The following CAMK2B variants were observed in gnomAD, a reference collection of about 807,000 sequenced individuals.
CAMK2B encodes calcium/calmodulin-dependent protein kinase type II subunit beta.
In CAMK2B, 27 loss-of-function variants were observed where a neutral mutation model predicts 93.7. The observed-to-expected ratio is 0.29, with a 90% CI of 0.21 to 0.40. The LOEUF (loss-of-function observed/expected upper bound fraction) is 0.40, where lower values mean the gene tolerates loss of function less well. Among genes scored for constraint, CAMK2B ranks in the 10% least tolerant of loss-of-function variants. The pLI is 1.00. For missense variants in CAMK2B, 568 were observed against 895.8 expected (o/e 0.63, Z 4.67); for synonymous variants, 374 against 358.8 (o/e 1.04, Z -0.48).
intron 1 of CAMK2B, among the ~76,000 whole-genome samples, chr7:44,301,904 G>A (rs1459150761): frequency 2.0e-5 from 3 of 152,056 alleles, no homozygotes; most frequent in South Asian, 4.2e-4. Context: ...AAACTAGAGT[G>A]TAAATCAATG....
rs556496868 is a variant in CAMK2B at position 44,246,742 on chromosome 7, ACT to A, written c.414+376_414+377del. On this transcript the variant is annotated intron_variant, in intron 6 of 23. Coordinates refer to ENST00000395749, the MANE Select transcript of CAMK2B (RefSeq NM_001220.5). ...CATGTATACACACATGTGCACACAC[ACT>A]CACACAATGCCTCCACCCAGGCATG... 5.3e-5 allele frequency among the ~76,000 whole-genome samples: 8 copies of A among 152,192 alleles called. No homozygotes were observed. In the South Asian group the frequency reaches 1.7e-3, roughly 32 times the overall value.
At position 44,220,197 on chromosome 7, in the gene CAMK2B, G is replaced by A; in HGVS notation, c.1866C>T (p.Leu622=). The part of the protein sequence containing the change: ...EDAACIAYIR[L]TQYIDGQGRP... ...GGCCCTGCCCGTCAATGTACTGCGT[G>A]AGCCGGATGTAAGCGATGCAGGCGG... The change falls in exon 23 of 24, where the codon CTC becomes CTT. Residue 622 remains leucine, a synonymous_variant. Transcript: ENST00000395749. 6.2e-7 allele frequency: 1 copy of A among 1,613,248 alleles called. No homozygotes were observed. The highest frequency in any genetic ancestry group is 1.3e-5 in the African/African-American group (1 of 75,068).
At chr7:44,229,034 T>A in intron 18 of CAMK2B, 110 bp from the exon 19 acceptor site, 1 of 1,044,048 alleles carries the variant, frequency 9.6e-7, no homozygotes, top group Non-Finnish European at 1.5e-6. Context: ...CCTTGGGCCC[T>A]GGGATCAGGC....
At chr7:44,262,382 C>T (rs936032871) in intron 3 of CAMK2B, among the ~76,000 whole-genome samples, 9 of 152,244 alleles carry the variant, frequency 5.9e-5, no homozygotes, top group African/African-American at 1.9e-4. Flanking sequence ...GCTCCAGATA[C>T]CCCTGTGGAG....
At chr7:44,291,415 GTCGTCCACT>G (rs1285399502) in intron 1 of CAMK2B, among the ~76,000 whole-genome samples, 1 of 152,176 alleles carries the variant, frequency 6.6e-6, no homozygotes. Context: ...CCAGGGCTGT[GTCGTCCACT>G]CCTGCCCAGG....
chr7:44,233,901 C>T (rs1485821543), intron 15 of CAMK2B, among the ~76,000 whole-genome samples: 1 of 152,228 alleles, frequency 6.6e-6, no homozygotes, highest in Non-Finnish European at 1.5e-5. Context: ...GCCCCGTCTC[C>T]CCATGGGCCG....
Position 44,226,564 on chromosome 7 carries a change from GC to G in CAMK2B, c.1548del (p.Pro518ArgfsTer48). Reference sequence around the variant, plus strand: ...ATAGTCGGAGATGGGCAGGGCGGGGGCCCCACTGGCGAGGGGCCCTCGGCTT... The same window carrying G: ...ATAGTCGGAGATGGGCAGGGCGGGGGCCCACTGGCGAGGGGCCCTCGGCTT... The part of the protein sequence containing the change: ...TPEAEGPSPV[G>X]PPPCPSPTIP... On this transcript the variant is annotated frameshift_variant, in exon 20 of 24. Coordinates refer to ENST00000395749, the MANE Select transcript of CAMK2B (RefSeq NM_001220.5). LOFTEE classifies it high-confidence loss of function. 6.8e-7 allele frequency: 1 copy of G among 1,469,030 alleles called. No homozygotes were observed. Among genetic ancestry groups the G allele is most frequent in the Non-Finnish European group, 9.0e-7 (1 of 1,117,248 alleles). 91.0% of individuals were successfully genotyped at this position (1,469,030 alleles called of 1,614,324 possible).
chr7:44,297,744 G>T (rs1788682639), intron 1 of CAMK2B, among the ~76,000 whole-genome samples: 1 of 152,152 alleles, frequency 6.6e-6, no homozygotes, highest in African/African-American at 2.4e-5. Flanking sequence ...AATTGATATG[G>T]AATCTCCAGG....
At chr7:44,240,665 G>A in intron 12 of CAMK2B, 42 bp downstream of exon 12, 1 of 1,609,630 alleles carries the variant, frequency 6.2e-7, no homozygotes. Flanking sequence ...TGGGCCAGCA[G>A]GGAGGGGGCA....
chr7:44,254,672 C>T lies in CAMK2B; in HGVS notation c.276-65G>A, dbSNP rs1434805015. ...CCCTGTCACACTGCACTGTCACCTCCATTACTACCACCACCACCATCACCA... is the reference window on the plus strand; with the variant it reads ...CCCTGTCACACTGCACTGTCACCTCTATTACTACCACCACCACCATCACCA... On this transcript the variant is annotated intron_variant, in intron 4 of 23. Coordinates refer to ENST00000395749, the MANE Select transcript of CAMK2B (RefSeq NM_001220.5). 18 of 1,042,426 alleles carry T rather than the reference C, an allele frequency of 1.7e-5. No homozygotes were observed. The East Asian group carries it at 4.3e-4, about 25-fold the overall frequency. The allele number at this position is 1,042,426 out of a possible 1,614,324, so 64.6% of individuals were successfully genotyped here.
chr7:44,219,872 C>A (rs1224980221), intron 23 of CAMK2B, among the ~76,000 whole-genome samples, 188 bp downstream of exon 23: 1 of 152,132 alleles, frequency 6.6e-6, no homozygotes, highest in Non-Finnish European at 1.5e-5. Flanking sequence ...TCTGGGGAGG[C>A]CTGCCACACC....
intron 2 of CAMK2B, chr7:44,264,143 A>G (rs2096903641): frequency 6.6e-6 from 1 of 152,620 alleles, no homozygotes; most frequent in Non-Finnish European, 1.5e-5. Flanking sequence ...CACATAATTA[A>G]TACACAAGAC....
chr7:44,272,747 G>A (rs1025587731), intron 2 of CAMK2B, among the ~76,000 whole-genome samples: 1 of 152,210 alleles, frequency 6.6e-6, no homozygotes, highest in Non-Finnish European at 1.5e-5. Context: ...GCTGCAGTAG[G>A]GCCACTTCCA....
At chr7:44,242,430 A>T in intron 9 of CAMK2B, 90 bp from the exon 10 acceptor site, 1 of 1,558,180 alleles carries the variant, frequency 6.4e-7, no homozygotes, top group Non-Finnish European at 8.7e-7. Flanking sequence ...TCCAGCCACG[A>T]ATCTGGGAGA....
chr7:44,242,479 C>G, intron 9 of CAMK2B, 81 bp downstream of exon 9: 3 of 1,504,612 alleles, frequency 2.0e-6, no homozygotes, highest in Non-Finnish European at 2.7e-6. Flanking sequence ...CTTCACCCCA[C>G]TCCTAGCCTC....
In CAMK2B at chr7:44,217,874, A is replaced by G. The variant is rs1426514185; in HGVS notation, c.*1651T>C. On this transcript the variant is annotated 3_prime_UTR_variant, in exon 24 of 24. Transcript: ENST00000395749. The stretch of plus-strand genomic sequence containing the variant: ...CCCCACCCAACCTGGCTTCAGACCC[A>G]CCCTGCAGCCCCACCATGCTCGGGC... 1 of 151,896 alleles carries G rather than the reference A, an allele frequency of 6.6e-6. No homozygotes were observed. The highest frequency in any genetic ancestry group is 1.5e-5 in the Non-Finnish European group (1 of 68,010). 9.4% of individuals were successfully genotyped at this position (151,896 alleles called of 1,614,324 possible). A position where few individuals can be genotyped will look rare whatever the true frequency, so the allele number is the denominator to read the frequency against.
chr7:44,225,994 C>G lies in CAMK2B; in HGVS notation c.1597+522G>C. 1 of 1,129,504 alleles carries G rather than the reference C, an allele frequency of 8.9e-7. No homozygotes were observed. The highest frequency in any genetic ancestry group is 1.2e-6 in the Non-Finnish European group (1 of 865,904). 70.0% of individuals were successfully genotyped at this position (1,129,504 alleles called of 1,614,324 possible). ...GCCCAGCCTGTGCTTCCTGTCCCGCCCGCTCTGTTTCAGCCTGGCCCCAGC... is the reference window on the plus strand; with the variant it reads ...GCCCAGCCTGTGCTTCCTGTCCCGCGCGCTCTGTTTCAGCCTGGCCCCAGC... On this transcript the variant is annotated intron_variant, in intron 20 of 23. Coordinates refer to ENST00000395749, the MANE Select transcript of CAMK2B (RefSeq NM_001220.5). This position sits in a 1 kb window ranked among gnomAD's most constrained non-coding sequence, Gnocchi z 5.0.
intron 14 of CAMK2B, 23 bp from the exon 15 acceptor site, chr7:44,234,484 C>T: frequency 6.4e-7 from 1 of 1,574,614 alleles, no homozygotes; most frequent in Non-Finnish European, 8.6e-7. Context: ...GGAAGAGGAA[C>T]TCTTAGGTGG....
intron 1 of CAMK2B, among the ~76,000 whole-genome samples, chr7:44,299,754 G>A (rs1789377886): frequency 6.6e-6 from 1 of 152,070 alleles, no homozygotes; most frequent in Non-Finnish European, 1.5e-5. Flanking sequence ...AAATGGAGAT[G>A]ATAATAGTAT....
Sources: gnomAD v4.1 joint callset for allele counts (sites outside exome capture counted in the v4.1 genomes callset) on GRCh38, gnomAD v4.1.1 for gene constraint, Gnocchi (gnomAD v3.1) non-coding constraint, MANE v1.5 for transcripts, NCBI Gene and HGNC (gene_info 2026-07-23, HGNC 2026-07-21) for gene names.